Variants in MYO5C observed in about 807,000 individuals in gnomAD.
MYO5C encodes myosin VC, also known as unconventional myosin-Vc.
A neutral mutation model predicts 235.7 loss-of-function variants in MYO5C; 194 were observed. That is an observed-to-expected ratio of 0.82 (90% CI 0.73 to 0.93). The LOEUF (loss-of-function observed/expected upper bound fraction) is 0.93. MYO5C is among the 40% of genes least tolerant of loss of function. The probability of loss-of-function intolerance (pLI) is 0.00; values close to 1 mark genes in which losing one functional copy is unlikely to be tolerated. For missense variants in MYO5C, 2,038 were observed against 2,127.2 expected (o/e 0.96, Z 0.82); for synonymous variants, 707 against 754.8 (o/e 0.94, Z 1.04).
At chr15:52,281,280 G>A (rs898621591) in intron 2 of MYO5C, among the ~76,000 whole-genome samples, 9 of 152,288 alleles carry the variant, frequency 5.9e-5, no homozygotes, top group African/African-American at 2.2e-4. Context: ...ACAGCACACA[G>A]GCCTTGTCTC....
At chr15:52,259,419 CAAAAAA>C (rs11388485) in intron 10 of MYO5C, among the ~76,000 whole-genome samples, 1 of 127,424 alleles carries the variant, frequency 7.8e-6, no homozygotes, top group African/African-American at 3.0e-5. Context: ...GACTCCGTCT[CAAAAAA>C]AAAAAAAAGA....
At chr15:52,272,905 C>T (rs546418856) in intron 5 of MYO5C, among the ~76,000 whole-genome samples, 182 bp from the exon 6 acceptor site, 1 of 152,160 alleles carries the variant, frequency 6.6e-6, no homozygotes, top group African/African-American at 2.4e-5. Flanking sequence ...AGAACATGAG[C>T]CTGCTGCTCA....
Position 52,271,790 on chromosome 15 carries a change from G to C in MYO5C, c.805C>G (p.Gln269Glu). 1 of 1,576,848 alleles carries C rather than the reference G, an allele frequency of 6.3e-7. No individual in the cohort carries two copies. The highest frequency in any genetic ancestry group is 8.7e-7 in the Non-Finnish European group (1 of 1,153,970). The change falls in exon 7 of 41, where the codon CAG becomes GAG. Residue 269 changes from glutamine (Q) to glutamate (E), a missense_variant. Gln to Glu is a conservative substitution (Grantham distance 29, BLOSUM62 2). Coordinates refer to ENST00000261839, the MANE Select transcript of MYO5C (RefSeq NM_018728.4). Reference sequence around the variant, plus strand: ...AATTTAAGATGTTTAAATTCCGACTGCTGTGCAGATGCACAAAGCTGATAG... The same window carrying C: ...AATTTAAGATGTTTAAATTCCGACTCCTGTGCAGATGCACAAAGCTGATAG... ...IFYQLCASAQ[Q>E]SEFKHLKLGS...
Position 52,223,686 on chromosome 15 carries a change from T to C in MYO5C, c.3485A>G (p.Tyr1162Cys), listed in dbSNP as rs759860794. Residue 1162 changes from tyrosine (Y) to cysteine (C), a missense_variant, in exon 29 of 41, where the codon TAT becomes TGT. Tyr to Cys is a radical substitution (Grantham distance 194). Transcript: ENST00000261839. ...ESHFQSQKDC[Y>C]EKEIEALNFK... Reference sequence around the variant, plus strand: ...GTTCAAAGCTTCAATCTCCTTTTCATAGCAATCCTTCTGAGACTGGAAATG... The same window carrying C: ...GTTCAAAGCTTCAATCTCCTTTTCACAGCAATCCTTCTGAGACTGGAAATG... 2 of 1,614,056 alleles carry C rather than the reference T, an allele frequency of 1.2e-6. No homozygotes were observed. Among genetic ancestry groups the C allele is most frequent in the African/African-American group, 2.7e-5 (2 of 74,922 alleles).
chr15:52,247,453 A>C lies in MYO5C; in HGVS notation c.1881+5T>G. The C allele has an allele frequency of 1.2e-6, 2 of 1,613,936 alleles. No individual in the cohort carries two copies. Among genetic ancestry groups the C allele is most frequent in the Non-Finnish European group, 1.7e-6 (2 of 1,179,892 alleles). On this transcript the variant is annotated splice_donor_5th_base_variant and intron_variant, in intron 15 of 40. Transcript: ENST00000261839. ...ACCCCTCACTCTCAAACACCTTCTC[A>C]GTACCTTGCTCCCAACTGTGGTCCG...
rs1167755950 is a variant in MYO5C at position 52,270,869 on chromosome 15, G to A, written c.832+894C>T. ...AGTACAAGCAACTTCTCCAAAATTA[G>A]AGAGTGTGAGTTCAACTCCAACATA... On this transcript the variant is annotated intron_variant, in intron 7 of 40. Transcript: ENST00000261839. 2.6e-5 allele frequency among the ~76,000 whole-genome samples: 4 copies of A among 152,096 alleles called. No individual in the cohort carries two copies. The East Asian group carries it at 7.7e-4, about 29-fold the overall frequency.
At chr15:52,242,269 A>G in intron 19 of MYO5C, 56 bp from the exon 20 acceptor site, 1 of 1,538,398 alleles carries the variant, frequency 6.5e-7, no homozygotes, top group East Asian at 2.3e-5. Context: ...CAACTTCCAT[A>G]ACAGAGCTGC....
At chr15:52,290,236 C>T (rs1020209577) in intron 1 of MYO5C, among the ~76,000 whole-genome samples, 1 of 152,094 alleles carries the variant, frequency 6.6e-6, no homozygotes, top group African/African-American at 2.4e-5. Flanking sequence ...ATTCAAATTC[C>T]CAGTGGTTCA....
In MYO5C at chr15:52,246,020, G is replaced by T; in HGVS notation, c.2002C>A (p.Gln668Lys). 1 of 1,614,130 alleles carries T rather than the reference G, an allele frequency of 6.2e-7. No homozygotes were observed. Among genetic ancestry groups the T allele is most frequent in the South Asian group, 1.1e-5 (1 of 91,062 alleles). Residue 668 changes from glutamine to lysine, a missense_variant, in exon 17 of 41, where the codon CAG becomes AAG. Gln to Lys is a moderately conservative substitution (Grantham distance 53). Transcript: ENST00000261839. ...PFEFDSKRIV[Q>K]QLRACGVLET... ...AAAACGCCGCAGGCTCGCAGCTGCT[G>T]AACAATTCTTTTGGAGTCAAATCTT...
Position 52,295,758 on chromosome 15 carries a change from C to T in MYO5C, c.-122G>A, listed in dbSNP as rs2140881725. 1 of 658,586 alleles carries T rather than the reference C, an allele frequency of 1.5e-6. No homozygotes were observed. Among genetic ancestry groups the T allele is most frequent in the South Asian group, 3.5e-5 (1 of 28,516 alleles). 40.8% of individuals were successfully genotyped at this position (658,586 alleles called of 1,614,324 possible). A position where few individuals can be genotyped will look rare whatever the true frequency, so the allele number is the denominator to read the frequency against. On this transcript the variant is annotated 5_prime_UTR_variant, in exon 1 of 41. Transcript: ENST00000261839. ...CGGAAATCACCGCCGGGCCATCTTG[C>T]CCAAAGTTTTCCAACGGCCTCCTGT...
chr15:52,220,416 A>G (rs1357973583), intron 30 of MYO5C, among the ~76,000 whole-genome samples: 1 of 152,090 alleles, frequency 6.6e-6, no homozygotes, highest in Non-Finnish European at 1.5e-5. Context: ...GCAGTGGCAC[A>G]ACCACGGCTC....
chr15:52,247,159 T>C, intron 15 of MYO5C, 145 bp from the exon 16 acceptor site: 3 of 701,278 alleles, frequency 4.3e-6, no homozygotes, highest in African/African-American at 1.8e-5. Flanking sequence ...AAGGTTTCAG[T>C]CCGTGACTGT....
At chr15:52,236,719 A>G (rs569899211) in intron 22 of MYO5C, 1 of 152,290 alleles carries the variant, frequency 6.6e-6, no homozygotes, top group East Asian at 1.9e-4. Context: ...GGATGATAAT[A>G]AAGATCACCT....
chr15:52,198,124 G>C lies in MYO5C; in HGVS notation c.4821-1641C>G, dbSNP rs374447355. ...GAGGCAGGCTGATCGCTTGAGGTCA[G>C]GAGTTCAAGACCAGCCTGGCCAACA... is the stretch of plus-strand genomic sequence containing the variant. On this transcript the variant is annotated intron_variant, in intron 38 of 40. Transcript: ENST00000261839. Among the ~76,000 whole-genome samples, 5 of 152,062 alleles carry C rather than the reference G, an allele frequency of 3.3e-5. No individual in the cohort carries two copies. In the South Asian group the frequency reaches 1.0e-3, roughly 32 times the overall value.
At chr15:52,215,199 TA>T (rs2035526705) in intron 32 of MYO5C, among the ~76,000 whole-genome samples, 1 of 152,192 alleles carries the variant, frequency 6.6e-6, no homozygotes, top group Admixed American at 6.5e-5. Flanking sequence ...ATAGAGAATT[TA>T]AAAATATGAA....
At chr15:52,290,510 T>C (rs2140874340) in intron 1 of MYO5C, among the ~76,000 whole-genome samples, 2 of 151,932 alleles carry the variant, frequency 1.3e-5, no homozygotes, top group East Asian at 3.9e-4. Context: ...ACTTTGAAGA[T>C]ATTTGTGAGT....
At chr15:52,211,668 C>G in intron 35 of MYO5C, 62 bp downstream of exon 35, 1 of 1,544,002 alleles carries the variant, frequency 6.5e-7, no homozygotes, top group Non-Finnish European at 8.8e-7. Context: ...TGGGCAAAGA[C>G]TGGGCATCTG....
intron 36 of MYO5C, among the ~76,000 whole-genome samples, chr15:52,207,985 G>A (rs1274024181): frequency 6.6e-6 from 1 of 152,220 alleles, no homozygotes; most frequent in Non-Finnish European, 1.5e-5. Flanking sequence ...AAGTGTTGGT[G>A]AAGGTATGAG....
At chr15:52,214,969 T>C (rs2035521689) in intron 32 of MYO5C, among the ~76,000 whole-genome samples, 1 of 152,162 alleles carries the variant, frequency 6.6e-6, no homozygotes, top group African/African-American at 2.4e-5. Flanking sequence ...ATCTACTTTC[T>C]GTCTCTATGG....
Sources: allele counts gnomAD v4.1 joint callset (sites outside exome capture counted in the v4.1 genomes callset), GRCh38; gene constraint gnomAD v4.1.1; transcripts MANE v1.5; gene names NCBI Gene and HGNC (gene_info 2026-07-23, HGNC 2026-07-21).